Variants in MAMLD1 observed in about 807,000 individuals in gnomAD.
MAMLD1 encodes the protein mastermind like domain containing 1.
In MAMLD1, 14 loss-of-function variants were observed where a neutral mutation model predicts 45.0. The ratio of observed to expected loss-of-function variants is 0.31; its 90% CI spans 0.21 to 0.49. The LOEUF (loss-of-function observed/expected upper bound fraction) is 0.49, where lower values mean the gene tolerates loss of function less well. MAMLD1 is among the 20% of genes least tolerant of loss of function. MAMLD1 has a pLI of 0.99. For synonymous variants in MAMLD1, 254 were observed against 247.8 expected, an observed-to-expected ratio of 1.02 and a Z score of -0.24; for missense variants, 543 against 603.6, an observed-to-expected ratio of 0.90 and a Z score of 1.05.
At position 150,513,649 on chromosome X, in the gene MAMLD1, A is replaced by C. The variant is rs2037963444; in HGVS notation, c.*1690A>C. 1 of 298,059 alleles carries C rather than the reference A, an allele frequency of 3.4e-6. No homozygotes were observed. The highest frequency in any genetic ancestry group is 4.7e-5 in the East Asian group (1 of 21,092). 24.6% of individuals were successfully genotyped at this position (298,059 alleles called of 1,213,427 possible). A position where few individuals can be genotyped will look rare whatever the true frequency, so the allele number is the denominator to read the frequency against. On this transcript the variant is annotated 3_prime_UTR_variant, in exon 8 of 8. Transcript: ENST00000370401. ...GCTCTTTCCTAATGAGCTTTACAGC[A>C]GAAGCCGTTTTATCGTTAAGTGCCC...
intron 5 of MAMLD1, among the ~76,000 whole-genome samples, chrX:150,484,603 C>A (rs1271575300): frequency 1.8e-5 from 2 of 112,536 alleles, no homozygotes; most frequent in African/African-American, 6.5e-5. Flanking sequence ...GTGGGCAGAA[C>A]CACTCTTCCA....
At chrX:150,498,163 T>C (rs952665381) in intron 5 of MAMLD1, among the ~76,000 whole-genome samples, 6 of 111,433 alleles carry the variant, frequency 5.4e-5, no homozygotes, top group Non-Finnish European at 1.1e-4. Context: ...AGACCACACC[T>C]AGAACAGCAT....
chrX:150,441,896 A>G (rs980980575), intron 1 of MAMLD1, among the ~76,000 whole-genome samples: 1 of 111,342 alleles, frequency 9.0e-6, no homozygotes, highest in African/African-American at 3.3e-5. Flanking sequence ...CCATCTATAA[A>G]GGTGAATTTT....
At chrX:150,403,961 A>AAAGAAAG (rs1739479225) in intron 1 of MAMLD1, among the ~76,000 whole-genome samples, 1 of 86,484 alleles carries the variant, frequency 1.2e-5, no homozygotes, top group Non-Finnish European at 2.3e-5. Flanking sequence ...AGAAAGAAAG[A>AAAGAAAG]AAGAAAGAAA....
chrX:150,436,460 A>G (rs1192206219), intron 1 of MAMLD1, among the ~76,000 whole-genome samples: 1 of 111,791 alleles, frequency 8.9e-6, no homozygotes, highest in Non-Finnish European at 1.9e-5. Context: ...AGTTATTTCA[A>G]AGAGCCAGTC....
Position 150,498,669 on chromosome X carries a change from G to A in MAMLD1, c.2041-4605G>A, listed in dbSNP as rs116079812. Among the ~76,000 whole-genome samples the A allele has an allele frequency of 9.8e-3, 1,106 of 112,795 alleles. 12 individuals carry two copies. The highest frequency in any genetic ancestry group is 0.034 in the African/African-American group (1,047 of 31,097). On this transcript the variant is annotated intron_variant, in intron 5 of 7. Transcript: ENST00000370401. ...AGTGGCTACCATATTGAACAGCACA[G>A]CTCTAGAGCATTCTATTCTTTCTGG...
At chrX:150,418,210 T>C (rs1467390867) in intron 1 of MAMLD1, among the ~76,000 whole-genome samples, 1 of 112,093 alleles carries the variant, frequency 8.9e-6, no homozygotes, top group Non-Finnish European at 1.9e-5. Flanking sequence ...TTCTAGATTT[T>C]CTAGTTTATT....
chrX:150,373,953 G>A (rs1419839786), intron 1 of MAMLD1, among the ~76,000 whole-genome samples: 2 of 112,096 alleles, frequency 1.8e-5, no homozygotes, highest in African/African-American at 6.5e-5. Context: ...CTGGCATAAA[G>A]CTGGTCCTAT....
intron 1 of MAMLD1, among the ~76,000 whole-genome samples, chrX:150,374,250 A>G (rs782655317): frequency 1.8e-5 from 2 of 112,833 alleles, no homozygotes; most frequent in Admixed American, 9.4e-5. Flanking sequence ...ATCTTTTGTC[A>G]CAGGTTAAGA....
intron 1 of MAMLD1, among the ~76,000 whole-genome samples, chrX:150,414,756 T>A (rs1479135446): frequency 1.8e-5 from 2 of 111,836 alleles, no homozygotes; most frequent in Non-Finnish European, 3.8e-5. Flanking sequence ...AACTAGGGAC[T>A]GTTAATTGCA....
At chrX:150,504,624 C>A in intron 6 of MAMLD1, 1 of 584,756 alleles carries the variant, frequency 1.7e-6, no homozygotes, top group Non-Finnish European at 2.1e-6. Flanking sequence ...CTCAGGATGT[C>A]GCTGTTTCCA....
At position 150,414,371 on chromosome X, in the gene MAMLD1, T is replaced by C. The variant is rs182067886; in HGVS notation, c.-63-31083T>C. On this transcript the variant is annotated intron_variant, in intron 1 of 7. Transcript: ENST00000370401. ...AACCTCAGCAAAGCACTAGGCAGCA[T>C]CTGTTGTAAAATCTTCATTTACAGC... Among the ~76,000 whole-genome samples the C allele has an allele frequency of 3.2e-3, 354 of 111,898 alleles. 2 individuals carry two copies. The highest frequency in any genetic ancestry group is 0.011 in the African/African-American group (332 of 30,813).
chrX:150,362,825 C>G (rs1039433980), upstream of MAMLD1: 1 of 112,872 alleles, frequency 8.9e-6, no homozygotes, highest in Non-Finnish European at 1.9e-5. Flanking sequence ...AGCGCACCGC[C>G]TAGGCAAGCC....
chrX:150,431,630 G>T (rs781922269), intron 1 of MAMLD1, among the ~76,000 whole-genome samples: 5 of 110,407 alleles, frequency 4.5e-5, no homozygotes, highest in Non-Finnish European at 9.5e-5. Flanking sequence ...ATATGTACTC[G>T]ATGTTTACCT....
intron 1 of MAMLD1, among the ~76,000 whole-genome samples, chrX:150,389,599 G>A (rs888391158): frequency 8.9e-5 from 10 of 112,156 alleles, no homozygotes; most frequent in Non-Finnish European, 1.3e-4. Context: ...AAACAAATGC[G>A]TAATATGCTG....
chrX:150,471,241 G>A lies in MAMLD1; in HGVS notation c.1668G>A (p.Lys556=), dbSNP rs1258531401. 1 of 1,209,857 alleles carries A rather than the reference G, an allele frequency of 8.3e-7. No homozygotes were observed. The highest frequency in any genetic ancestry group is 1.1e-6 in the Non-Finnish European group (1 of 895,225). Residue 556 remains lysine (K), a synonymous_variant, in exon 4 of 8, where the codon AAG becomes AAA. Transcript: ENST00000370401. ...SHFVSEPGPQ[K]MPSMPTTSRQ... ...TTGTTTCTGAGCCGGGTCCCCAGAAGATGCCCTCCATGCCTACCACCTCTA... is the reference window on the plus strand; with the variant it reads ...TTGTTTCTGAGCCGGGTCCCCAGAAAATGCCCTCCATGCCTACCACCTCTA...
In MAMLD1 at chrX:150,471,014, C is replaced by T. The variant is rs2148300897; in HGVS notation, c.1441C>T (p.Arg481Ter). The change falls in exon 4 of 8, where the codon CGA (arginine) becomes TGA (stop). Residue 481 changes from arginine to a stop codon, truncating the protein, a stop_gained. Coordinates refer to ENST00000370401, the MANE Select transcript of MAMLD1 (RefSeq NM_005491.5). LOFTEE classifies it high-confidence loss of function. ...QSFTPQCSLIRSLTPTSNLLS... is the reference protein window; with the variant it reads ...QSFTPQCSLI ...CTTCACCCCACAGTGTTCCCTGATC[C>T]GAAGCCTCACTCCCACCAGTAATCT... The T allele has an allele frequency of 8.3e-7, 1 of 1,211,719 alleles. No individual in the cohort carries two copies. Among genetic ancestry groups the T allele is most frequent in the Non-Finnish European group, 1.1e-6 (1 of 895,519 alleles).
In MAMLD1 at chrX:150,462,761, C is replaced by G; in HGVS notation, c.97-11C>G. Reference sequence around the variant, plus strand: ...TGCAAGTGGCTCTCCTCAGCCTACTCTCACCCCCAGGGAAAGAAGCCCTCG... The same window carrying G: ...TGCAAGTGGCTCTCCTCAGCCTACTGTCACCCCCAGGGAAAGAAGCCCTCG... On this transcript the variant is annotated splice_polypyrimidine_tract_variant and intron_variant, in intron 2 of 7. Transcript: ENST00000370401. 1 of 1,198,710 alleles carries G rather than the reference C, an allele frequency of 8.3e-7. No individual in the cohort carries two copies. Among genetic ancestry groups the G allele is most frequent in the Non-Finnish European group, 1.1e-6 (1 of 883,467 alleles).
intron 5 of MAMLD1, among the ~76,000 whole-genome samples, chrX:150,500,950 C>G (rs1425831127): frequency 8.9e-6 from 1 of 111,978 alleles, no homozygotes; most frequent in African/African-American, 3.3e-5. Context: ...AGTGCTTGCT[C>G]CCATCCTGCT....
Sources: allele counts gnomAD v4.1 joint callset (sites outside exome capture counted in the v4.1 genomes callset), GRCh38; gene constraint gnomAD v4.1.1; transcripts MANE v1.5; gene names NCBI Gene and HGNC (gene_info 2026-07-23, HGNC 2026-07-21).